Variants in ADAMTS7 observed in about 807,000 individuals in gnomAD.
The protein encoded by ADAMTS7 is A disintegrin and metalloproteinase with thrombospondin motifs 7.
ADAMTS7 carries 89 observed loss-of-function variants against 172.6 expected under a neutral mutation model. That is an observed-to-expected ratio of 0.52 (90% CI 0.43 to 0.61). The LOEUF (loss-of-function observed/expected upper bound fraction) is 0.61, where lower values mean the gene tolerates loss of function less well. Ranked by LOEUF, ADAMTS7 falls within the 20% of genes least tolerant of loss-of-function variation. The probability of loss-of-function intolerance (pLI) is 0.00; values close to 1 mark genes in which losing one functional copy is unlikely to be tolerated. For missense variants in ADAMTS7, 1,973 were observed against 2,355.6 expected (o/e 0.84, Z 3.36); for synonymous variants, 885 against 978.4 (o/e 0.90, Z 1.78).
rs2055190863 is a variant in ADAMTS7 at position 78,768,178 on chromosome 15, G to A, written c.2600C>T (p.Pro867Leu). The change falls in exon 17 of 24, where the codon CCT becomes CTT. Residue 867 changes from proline to leucine, a missense_variant. This residue lies in a region of ADAMTS7 where 771 missense variants were observed against 952.6 expected (regional missense o/e 0.81). Transcript: ENST00000388820. ...DEEHCDPLGR[P>L]DDQQRKCSEQ... ...GCTGCACTTCCTCTGTTGGTCATCA[G>A]GCCGGCCCAGGGGGTCACAGTGCTC... 6.2e-7 allele frequency: 1 copy of A among 1,608,842 alleles called. No homozygotes were observed. Among genetic ancestry groups the A allele is most frequent in the Non-Finnish European group, 8.5e-7 (1 of 1,179,138 alleles).
chr15:78,796,686 C>T lies in ADAMTS7; in HGVS notation c.723G>A (p.Glu241=), dbSNP rs1313160104. Residue 241 remains glutamate (E), a synonymous_variant, in exon 4 of 24, where the codon GAG becomes GAA. Transcript: ENST00000388820. ...RRLHQRSVSK[E]KWVETLVVAD... ...CTACTACCAGGGTCTCCACCCACTTCTCTTTGCTGACCGACCGCTGGTGTA... is the reference window on the plus strand; with the variant it reads ...CTACTACCAGGGTCTCCACCCACTTTTCTTTGCTGACCGACCGCTGGTGTA... 8 of 1,614,092 alleles carry T rather than the reference C, an allele frequency of 5.0e-6. No homozygotes were observed. The highest frequency in any genetic ancestry group is 6.8e-6 in the Non-Finnish European group (8 of 1,180,028).
chr15:78,772,847 C>T (rs1468235062), intron 14 of ADAMTS7, among the ~76,000 whole-genome samples: 10 of 152,374 alleles, frequency 6.6e-5, no homozygotes, highest in South Asian at 2.1e-4. Context: ...ACACACAAGC[C>T]GGGTTGGCCC....
In ADAMTS7 at chr15:78,798,115, T is replaced by A; in HGVS notation, c.457-2A>T. The stretch of plus-strand genomic sequence containing the variant: ...GTTGGAGAGCTGGAACACACCTTTC[T>A]GGGGAAGAAGCACCAGGGTCACACA... On this transcript the variant is annotated splice_acceptor_variant, in intron 2 of 23. Coordinates refer to ENST00000388820, the MANE Select transcript of ADAMTS7 (RefSeq NM_014272.5). LOFTEE classifies it high-confidence loss of function. 2 of 1,548,610 alleles carry A rather than the reference T, an allele frequency of 1.3e-6. No individual in the cohort carries two copies. Among genetic ancestry groups the A allele is most frequent in the Non-Finnish European group, 1.7e-6 (2 of 1,155,844 alleles).
In ADAMTS7 at chr15:78,776,222, C is replaced by G; in HGVS notation, c.1672G>C (p.Val558Leu). The G allele has an allele frequency of 6.2e-7, 1 of 1,611,516 alleles. No individual in the cohort carries two copies. Among genetic ancestry groups the G allele is most frequent in the Non-Finnish European group, 8.5e-7 (1 of 1,179,800 alleles). Residue 558 changes from valine (V) to leucine (L), a missense_variant, in exon 11 of 24, where the codon GTA (valine) becomes CTA (leucine). By Grantham distance (32) the Val-to-Leu change is conservative. Around this residue, in one of 8 missense-constraint regions of ADAMTS7, gnomAD observed 526 missense variants for 662.9 expected, o/e 0.79. Transcript: ENST00000388820. ...GTGCACTGCCGCTCGGCGCTCTGTACGCCCATGCCACAGCTCCGTGAGCAG... is the reference window on the plus strand; with the variant it reads ...GTGCACTGCCGCTCGGCGCTCTGTAGGCCCATGCCACAGCTCCGTGAGCAG... ...SICSRSCGMG[V>L]QSAERQCTQP...
chr15:78,761,877 C>T (rs2055049291), intron 23 of ADAMTS7: 1 of 985,114 alleles, frequency 1.0e-6, no homozygotes, highest in Non-Finnish European at 1.2e-6. Context: ...ATTAACAGGA[C>T]CCTGGAAGGG....
rs1170015657 is a variant in ADAMTS7, at chr15:78,763,819, C to T, written c.4620G>A (p.Glu1540=). The stretch of plus-strand genomic sequence containing the variant: ...CCGGGCAGGTCACTAGACGCTGCTG[C>T]TCACCACCGCCACAGGCCTCGGAGC... ...RECSEACGGG[E]QQRLVTCPEP... Residue 1540 remains glutamate (E), a synonymous_variant, in exon 22 of 24, where the codon GAG becomes GAA. Coordinates refer to ENST00000388820, the MANE Select transcript of ADAMTS7 (RefSeq NM_014272.5). 1.9e-6 allele frequency: 3 copies of T among 1,580,806 alleles called. No homozygotes were observed. Among genetic ancestry groups the T allele is most frequent in the East Asian group, 2.3e-5 (1 of 43,960 alleles).
chr15:78,764,539 C>T lies in ADAMTS7; in HGVS notation c.4419+16G>A. 3 of 1,538,556 alleles carry T rather than the reference C, an allele frequency of 1.9e-6. No homozygotes were observed. Among genetic ancestry groups the T allele is most frequent in the Non-Finnish European group, 1.7e-6 (2 of 1,149,182 alleles). ...CATGCCCTGGGAATGCCTGTCCTGG[C>T]TCCATCCTCACGCACCTTACTCCAG... On this transcript the variant is annotated intron_variant, in intron 20 of 23. Coordinates refer to ENST00000388820, the MANE Select transcript of ADAMTS7 (RefSeq NM_014272.5).
intron 4 of ADAMTS7, 139 bp from the exon 5 acceptor site, chr15:78,791,362 G>A: frequency 1.5e-6 from 1 of 652,768 alleles, no homozygotes; most frequent in Non-Finnish European, 2.6e-6. Flanking sequence ...GTGCACACAG[G>A]CTGCACAGTG....
At chr15:78,783,121 A>C (rs986227749) in intron 8 of ADAMTS7, among the ~76,000 whole-genome samples, 1 of 152,228 alleles carries the variant, frequency 6.6e-6, no homozygotes, top group Non-Finnish European at 1.5e-5. Context: ...AAATGACCTC[A>C]GATACTGAAA....
intron 1 of ADAMTS7, among the ~76,000 whole-genome samples, chr15:78,801,164 A>ATCATCGTCTTACTCTGC (rs1270135605): frequency 4.6e-5 from 7 of 151,998 alleles, no homozygotes; most frequent in Non-Finnish European, 8.8e-5. Flanking sequence ...AACCAGCGCG[A>ATCATCGTCTTACTCTGC]TCATCGTCTT....
chr15:78,786,529 C>A (rs780642578), intron 8 of ADAMTS7, among the ~76,000 whole-genome samples: 1 of 152,102 alleles, frequency 6.6e-6, no homozygotes, highest in South Asian at 2.1e-4. Flanking sequence ...ACCAAGGTGC[C>A]CCATCATCCT....
At chr15:78,800,626 G>A (rs1260174367) in intron 1 of ADAMTS7, 79 bp from the exon 2 acceptor site, 6 of 1,314,762 alleles carry the variant, frequency 4.6e-6, no homozygotes, top group African/African-American at 2.9e-5. Flanking sequence ...AGAAGGGAGC[G>A]GCCAAGAGGG....
At chr15:78,791,392 C>A (rs538607521) in intron 4 of ADAMTS7, among the ~76,000 whole-genome samples, 169 bp from the exon 5 acceptor site, 1 of 151,248 alleles carries the variant, frequency 6.6e-6, no homozygotes, top group South Asian at 2.1e-4. Flanking sequence ...TGCATGTGCA[C>A]CAATGCATGA....
chr15:78,762,054 A>T (rs1040196779), intron 23 of ADAMTS7: 23 of 985,278 alleles, frequency 2.3e-5, no homozygotes, highest in Non-Finnish European at 2.5e-5. Flanking sequence ...AGCCTCAGGG[A>T]CATCCCTGGT....
Position 78,811,355 on chromosome 15 carries a change from C to G in ADAMTS7, c.-135G>C, listed in dbSNP as rs2055864868. On this transcript the variant is annotated 5_prime_UTR_variant, in exon 1 of 24. Transcript: ENST00000388820. ...GCTCCCGGCGACCCGGCCCCGACTC[C>G]GTTCGGCTGCGCTCGGTCCGCGGGC... 1.9e-6 allele frequency: 2 copies of G among 1,080,426 alleles called. No individual in the cohort carries two copies. The highest frequency in any genetic ancestry group is 2.3e-6 in the Non-Finnish European group (2 of 855,426). The allele number at this position is 1,080,426 out of a possible 1,614,324, so 66.9% of individuals were successfully genotyped here.
Position 78,764,686 on chromosome 15 carries a change from C to A in ADAMTS7, c.4288G>T (p.Gly1430Cys). 6.4e-7 allele frequency: 1 copy of A among 1,555,816 alleles called. No individual in the cohort carries two copies. Among genetic ancestry groups the A allele is most frequent in the African/African-American group, 1.4e-5 (1 of 73,714 alleles). The change falls in exon 20 of 24, where the codon GGT (glycine) becomes TGT (cysteine). Residue 1430 changes from glycine to cysteine, a missense_variant. Physicochemically the swap from Gly to Cys is radical, Grantham distance 159. Around this residue, in one of 8 missense-constraint regions of ADAMTS7, gnomAD observed 218 missense variants for 216.9 expected, o/e 1.01. Coordinates refer to ENST00000388820, the MANE Select transcript of ADAMTS7 (RefSeq NM_014272.5). ...CAGCGCACCGGCCTCCAGACCGCAC[C>A]CAGGCCACAGGTGGTAGAGCACTGC... ...WSECSTTCGL[G>C]AVWRPVRCSS...
chr15:78,771,916 G>A lies in ADAMTS7; in HGVS notation c.2132-87C>T. 6.6e-7 allele frequency: 1 copy of A among 1,520,580 alleles called. No homozygotes were observed. 94.2% of individuals were successfully genotyped at this position (1,520,580 alleles called of 1,614,324 possible). A position where few individuals can be genotyped will look rare whatever the true frequency, so the allele number is the denominator to read the frequency against. On this transcript the variant is annotated intron_variant, in intron 14 of 23. Transcript: ENST00000388820. The surrounding 1 kb of genome is among the most constrained non-coding windows in gnomAD (Gnocchi z 4.9). ...GCTCCCCTCATGTCTCTCCCCACTTGCCTCCGCCTGCTGATGCCAAAGCTT... is the reference window on the plus strand; with the variant it reads ...GCTCCCCTCATGTCTCTCCCCACTTACCTCCGCCTGCTGATGCCAAAGCTT...
chr15:78,764,499 A>G (rs1269472654), intron 20 of ADAMTS7, 56 bp downstream of exon 20: 4 of 1,507,888 alleles, frequency 2.7e-6, no homozygotes, highest in African/African-American at 1.4e-5. Flanking sequence ...GCCGTGGGGA[A>G]CCAGGGCTCC....
Position 78,771,695 on chromosome 15 carries a change from G to A in ADAMTS7, c.2266C>T (p.Gln756Ter). 6.2e-7 allele frequency: 1 copy of A among 1,606,484 alleles called. No homozygotes were observed. Among genetic ancestry groups the A allele is most frequent in the Non-Finnish European group, 8.5e-7 (1 of 1,179,960 alleles). Residue 756 changes from glutamine to a stop codon, truncating the protein, a stop_gained, in exon 15 of 24, where the codon CAG (glutamine) becomes TAG (stop). Coordinates refer to ENST00000388820, the MANE Select transcript of ADAMTS7 (RefSeq NM_014272.5). LOFTEE classifies it high-confidence loss of function. The surrounding 1 kb of genome is among the most constrained non-coding windows in gnomAD (Gnocchi z 4.9). ...GCCACCTGGTAGTCCCCGTTCCACT[G>A]GATGGTCCAGCCACCATTGAGGAAG... ...KYFLNGGWTI[Q>*]WNGDYQVAGT...
Sources: gnomAD v4.1 joint callset for allele counts (sites outside exome capture counted in the v4.1 genomes callset) on GRCh38, gnomAD v4.1.1 for gene constraint, gnomAD v4.1.1 regional missense constraint, Gnocchi (gnomAD v3.1) non-coding constraint, MANE v1.5 for transcripts, NCBI Gene and HGNC (gene_info 2026-07-23, HGNC 2026-07-21) for gene names.